Variants in NOVA1 observed in about 807,000 individuals in gnomAD.
The protein encoded by NOVA1 is RNA-binding protein Nova-1.
In NOVA1, 7 loss-of-function variants were observed where a neutral mutation model predicts 38.0. The observed-to-expected ratio is 0.18, with a 90% CI of 0.10 to 0.35. The LOEUF (loss-of-function observed/expected upper bound fraction) is 0.35, where lower values mean the gene tolerates loss of function less well. NOVA1 is among the 10% of genes least tolerant of loss of function. The pLI, the probability that NOVA1 is intolerant of heterozygous loss-of-function variation, is 1.00. For missense variants in NOVA1, 460 were observed against 616.0 expected (o/e 0.75, Z 2.68); for synonymous variants, 270 against 232.5 (o/e 1.16, Z -1.47).
At chr14:26,553,395 T>C (rs1288118906) in intron 2 of NOVA1, among the ~76,000 whole-genome samples, 1 of 152,186 alleles carries the variant, frequency 6.6e-6, no homozygotes, top group Non-Finnish European at 1.5e-5. Context: ...ACTGACTTAA[T>C]GTAGCTGAAT....
Position 26,448,505 on chromosome 14 carries a change from T to C in NOVA1, c.978A>G (p.Gly326=). ...CTAAACCTAAAGTGTTGAGATTATA[T>C]CCATAGCTGGCTAATGTATTAAGTG... ...TSALNTLASY[G]YNLNTLGLGL... Residue 326 remains glycine (G), a synonymous_variant, in exon 5 of 5, where the codon GGA becomes GGG. Transcript: ENST00000539517. The surrounding 1 kb of genome is among the most constrained non-coding windows in gnomAD (Gnocchi z 5.3). 1.2e-6 allele frequency: 2 copies of C among 1,614,146 alleles called. No homozygotes were observed. Among genetic ancestry groups the C allele is most frequent in the Non-Finnish European group, 1.7e-6 (2 of 1,180,026 alleles).
chr14:26,545,926 T>G (rs2138619012), intron 2 of NOVA1, among the ~76,000 whole-genome samples: 1 of 152,232 alleles, frequency 6.6e-6, no homozygotes, highest in South Asian at 2.1e-4. Flanking sequence ...TAATTAAAGA[T>G]AATGAGGTTT....
intron 1 of NOVA1, chr14:26,596,187 C>G (rs1281766381): frequency 2.1e-5 from 5 of 234,400 alleles, no homozygotes; most frequent in African/African-American, 1.2e-4. Flanking sequence ...TAGTGCATTT[C>G]TTTAGCACTT....
intron 2 of NOVA1, among the ~76,000 whole-genome samples, chr14:26,563,911 G>A (rs892340913): frequency 2.6e-5 from 4 of 151,992 alleles, no homozygotes; most frequent in Non-Finnish European, 4.4e-5. Context: ...GCCTTCATCC[G>A]GTGGTTTTCA....
chr14:26,574,361 T>C (rs1566550378), intron 2 of NOVA1, among the ~76,000 whole-genome samples: 2 of 147,540 alleles, frequency 1.4e-5, no homozygotes, highest in African/African-American at 2.5e-5. Context: ...TTAAAGATTC[T>C]CAGAAATAGA....
At chr14:26,484,507 A>C (rs1452797740) in intron 2 of NOVA1, among the ~76,000 whole-genome samples, 1 of 152,056 alleles carries the variant, frequency 6.6e-6, no homozygotes. Context: ...TTTTCATTTA[A>C]AAACATTTAA....
intron 1 of NOVA1, 164 bp downstream of exon 1, chr14:26,597,137 G>A (rs992942361): frequency 8.2e-6 from 10 of 1,225,364 alleles, no homozygotes; most frequent in Non-Finnish European, 1.0e-5. Context: ...GGCAGGTGCA[G>A]GGGAGGGGGC....
chr14:26,495,031 T>C (rs568155022), intron 2 of NOVA1, among the ~76,000 whole-genome samples: 13 of 152,214 alleles, frequency 8.5e-5, no homozygotes, highest in Non-Finnish European at 1.3e-4. Flanking sequence ...TATTACTCTT[T>C]CTCTCTTTTT....
At position 26,448,816 on chromosome 14, in the gene NOVA1, C is replaced by A; in HGVS notation, c.667G>T (p.Val223Leu). ...GINLQERVVT[V>L]SGEPEQNRKA... Reference sequence around the variant, plus strand: ...CGGTTTTGTTCAGGTTCTCCACTCACAGTGACAACCCTCTCTTGCAAGTTG... The same window carrying A: ...CGGTTTTGTTCAGGTTCTCCACTCAAAGTGACAACCCTCTCTTGCAAGTTG... The change falls in exon 5 of 5, where the codon GTG (valine) becomes TTG (leucine). Residue 223 changes from valine to leucine, a missense_variant. Transcript: ENST00000539517. The surrounding 1 kb of genome is among the most constrained non-coding windows in gnomAD (Gnocchi z 5.3). The A allele has an allele frequency of 6.2e-7, 1 of 1,614,118 alleles. No individual in the cohort carries two copies. Among genetic ancestry groups the A allele is most frequent in the Non-Finnish European group, 8.5e-7 (1 of 1,180,014 alleles).
intron 2 of NOVA1, among the ~76,000 whole-genome samples, chr14:26,499,473 G>C (rs1189974230): frequency 6.6e-6 from 1 of 152,078 alleles, no homozygotes; most frequent in Non-Finnish European, 1.5e-5. Context: ...ATATTGAAAA[G>C]AAACTTTTAT....
chr14:26,477,314 A>G (rs551806844), intron 3 of NOVA1, among the ~76,000 whole-genome samples: 11 of 152,284 alleles, frequency 7.2e-5, no homozygotes, highest in Admixed American at 6.5e-4. Flanking sequence ...TTTAAATACA[A>G]GAGAATTCTT....
intron 3 of NOVA1, 79 bp from the exon 4 acceptor site, chr14:26,472,470 A>T (rs1884662848): frequency 1.7e-6 from 1 of 582,922 alleles, no homozygotes; most frequent in Admixed American, 4.2e-5. Flanking sequence ...AAAATAAAAT[A>T]AAATGTAATA....
intron 2 of NOVA1, among the ~76,000 whole-genome samples, chr14:26,530,486 C>G (rs1290782695): frequency 6.6e-6 from 1 of 151,948 alleles, no homozygotes; most frequent in Non-Finnish European, 1.5e-5. Flanking sequence ...AAATATATAT[C>G]AGTATAAATG....
Position 26,565,855 on chromosome 14 carries a change from G to A in NOVA1, c.280+29555C>T, listed in dbSNP as rs114782144. On this transcript the variant is annotated intron_variant, in intron 2 of 4. Transcript: ENST00000539517. ...AGCAAGAGAATGCAAACTGAATGGCGTTCTTAAATAAATACTTTACAAAAT... is the reference window on the plus strand; with the variant it reads ...AGCAAGAGAATGCAAACTGAATGGCATTCTTAAATAAATACTTTACAAAAT... Among the ~76,000 whole-genome samples, 1,264 of 152,120 alleles carry A rather than the reference G, an allele frequency of 8.3e-3. 17 individuals are homozygous for A. Among genetic ancestry groups the A allele is most frequent in the African/African-American group, 0.028 (1,154 of 41,486 alleles).
At chr14:26,485,729 G>C (rs1184005768) in intron 2 of NOVA1, among the ~76,000 whole-genome samples, 1 of 151,934 alleles carries the variant, frequency 6.6e-6, no homozygotes, top group East Asian at 1.9e-4. Context: ...TCATATAAAA[G>C]AAAATGCATC....
At chr14:26,593,123 A>T (rs1266364622) in intron 2 of NOVA1, 1 of 151,810 alleles carries the variant, frequency 6.6e-6, no homozygotes, top group Non-Finnish European at 1.5e-5. Flanking sequence ...AAAGACACAA[A>T]AACGGGCTTC....
rs1029112684 is a variant in NOVA1, at chr14:26,489,483, G to A, written c.281-9340C>T. On this transcript the variant is annotated intron_variant, in intron 2 of 4. Coordinates refer to ENST00000539517, the MANE Select transcript of NOVA1 (RefSeq NM_002515.3). Reference sequence around the variant, plus strand: ...TCGGAAAAACAACAGAAATTTAAGCGTATATGTAATCTATTATTTAAAAGT... The same window carrying A: ...TCGGAAAAACAACAGAAATTTAAGCATATATGTAATCTATTATTTAAAAGT... Among the ~76,000 whole-genome samples the A allele has an allele frequency of 7.9e-5, 12 of 151,418 alleles. 1 individual carries two copies. The highest frequency in any genetic ancestry group is 6.2e-4 in the South Asian group (3 of 4,804).
intron 2 of NOVA1, among the ~76,000 whole-genome samples, chr14:26,513,372 C>A (rs949003642): frequency 6.6e-6 from 1 of 151,776 alleles, no homozygotes; most frequent in Admixed American, 6.6e-5. Flanking sequence ...TGAAATGCTA[C>A]AACTGGCATT....
At chr14:26,588,992 CA>C (rs202201813) in intron 2 of NOVA1, among the ~76,000 whole-genome samples, 3,083 of 150,732 alleles carry the variant, frequency 0.02, 95 homozygotes, top group African/African-American at 0.071. Context: ...GTTTACAAAA[CA>C]AAAAAATAGA....
Sources: gnomAD v4.1 joint callset for allele counts (sites outside exome capture counted in the v4.1 genomes callset) on GRCh38, gnomAD v4.1.1 for gene constraint, Gnocchi (gnomAD v3.1) non-coding constraint, MANE v1.5 for transcripts, NCBI Gene and HGNC (gene_info 2026-07-23, HGNC 2026-07-21) for gene names.